The following LRP1B variants were observed in gnomAD, a reference collection of about 807,000 sequenced individuals.
LRP1B encodes the protein low-density lipoprotein receptor-related protein 1B.
A neutral mutation model predicts 556.6 loss-of-function variants in LRP1B; 217 were observed. The ratio of observed to expected loss-of-function variants is 0.39; its 90% confidence interval spans 0.35 to 0.44. The LOEUF (loss-of-function observed/expected upper bound fraction) is 0.44. Ranked by LOEUF, LRP1B falls within the 20% of genes least tolerant of loss-of-function variation. LRP1B has a pLI of 1.00. For synonymous variants in LRP1B, 2,047 were observed against 1,865.8 expected, an observed-to-expected ratio of 1.10 and a Z score of -2.50; for missense variants, 5,053 against 5,620.8, an observed-to-expected ratio of 0.90 and a Z score of 3.23.
chr2:141,109,666 C>CAA (rs34120181), intron 7 of LRP1B, among the ~76,000 whole-genome samples: 10,208 of 134,340 alleles, frequency 0.076, 444 homozygotes, highest in South Asian at 0.12. Context: ...TACAACCTTG[C>CAA]AAAAAAAAAA....
intron 3 of LRP1B, among the ~76,000 whole-genome samples, chr2:141,381,040 T>C (rs1036062084): frequency 3.3e-5 from 5 of 152,014 alleles, no homozygotes; most frequent in Non-Finnish European, 5.9e-5. Context: ...AGAAAACATA[T>C]GAATATGTTT....
intron 2 of LRP1B, among the ~76,000 whole-genome samples, chr2:141,570,136 GAAAACAAAAC>G (rs58717096): frequency 8.0e-5 from 12 of 149,656 alleles, no homozygotes; most frequent in African/African-American, 2.4e-4. Context: ...GCTCCCATGG[GAAAACAAAAC>G]AAAACAAAAC....
At chr2:141,017,743 C>T (rs1697947688) in intron 12 of LRP1B, among the ~76,000 whole-genome samples, 1 of 151,470 alleles carries the variant, frequency 6.6e-6, no homozygotes, top group Non-Finnish European at 1.5e-5. Flanking sequence ...GCCTGTAATC[C>T]CAGCACTTTG....
chr2:141,154,736 T>G (rs1372893556), intron 7 of LRP1B, among the ~76,000 whole-genome samples: 1 of 151,950 alleles, frequency 6.6e-6, no homozygotes, highest in Non-Finnish European at 1.5e-5. Flanking sequence ...TTCTGAATTT[T>G]CACTAATTCT....
intron 18 of LRP1B, among the ~76,000 whole-genome samples, chr2:140,961,627 AT>A (rs932383106): frequency 6.6e-6 from 1 of 151,712 alleles, no homozygotes; most frequent in South Asian, 2.1e-4. Context: ...ACTCCACACA[AT>A]TTTTTTTCCA....
chr2:141,644,225 C>A (rs981086169), intron 2 of LRP1B, among the ~76,000 whole-genome samples: 1 of 152,066 alleles, frequency 6.6e-6, no homozygotes, highest in Admixed American at 6.6e-5. Context: ...TCCCATGTGT[C>A]ATGGGAGGAA....
At chr2:140,719,457 C>A (rs1263247248) in intron 35 of LRP1B, among the ~76,000 whole-genome samples, 1 of 151,828 alleles carries the variant, frequency 6.6e-6, no homozygotes, top group African/African-American at 2.4e-5. Context: ...TTTCTAATAC[C>A]TTTGTCAGTA....
intron 3 of LRP1B, among the ~76,000 whole-genome samples, chr2:141,283,810 G>A (rs1347490304): frequency 6.7e-6 from 1 of 149,244 alleles, no homozygotes; most frequent in East Asian, 2.0e-4. Flanking sequence ...TGGTCAAGGT[G>A]GGAGAGACAC....
At chr2:141,825,456 C>G (rs1696891057) in intron 1 of LRP1B, among the ~76,000 whole-genome samples, 1 of 152,160 alleles carries the variant, frequency 6.6e-6, no homozygotes, top group Non-Finnish European at 1.5e-5. Context: ...AAATAAGTCT[C>G]TAAAATGGAT....
At chr2:140,413,353 T>G (rs1395205949) in intron 66 of LRP1B, among the ~76,000 whole-genome samples, 2 of 152,222 alleles carry the variant, frequency 1.3e-5, no homozygotes, top group East Asian at 3.9e-4. Flanking sequence ...CAATGTTTAA[T>G]AATGTTTGCT....
chr2:140,319,715 A>G (rs1051563543), intron 82 of LRP1B, among the ~76,000 whole-genome samples: 5 of 152,158 alleles, frequency 3.3e-5, no homozygotes, highest in Admixed American at 1.3e-4. Context: ...GTTTACCTCT[A>G]TGACGCAGGC....
chr2:141,131,673 TAAAAA>T (rs147046211), intron 7 of LRP1B, among the ~76,000 whole-genome samples: 25 of 149,674 alleles, frequency 1.7e-4, no homozygotes, highest in Non-Finnish European at 3.4e-4. Context: ...TGGGAATCCA[TAAAAA>T]AAAAGAGACA....
intron 3 of LRP1B, among the ~76,000 whole-genome samples, chr2:141,446,276 C>T (rs972758410): frequency 6.6e-6 from 1 of 152,222 alleles, no homozygotes; most frequent in East Asian, 1.9e-4. Context: ...AATATTCCTC[C>T]ATTCCTTTAT....
chr2:141,543,276 AG>A (rs900407764), intron 2 of LRP1B, among the ~76,000 whole-genome samples: 6 of 152,108 alleles, frequency 3.9e-5, no homozygotes, highest in Admixed American at 1.3e-4. Flanking sequence ...TGGGAGGCCA[AG>A]GCTGGAGATC....
chr2:141,932,016 T>G (rs1209998683), intron 1 of LRP1B, among the ~76,000 whole-genome samples: 2 of 152,000 alleles, frequency 1.3e-5, no homozygotes, highest in Non-Finnish European at 2.9e-5. Flanking sequence ...CTTGGAGAGA[T>G]AACTGGCAGC....
At chr2:140,455,080 A>G (rs1174329625) in intron 62 of LRP1B, among the ~76,000 whole-genome samples, 2 of 152,204 alleles carry the variant, frequency 1.3e-5, no homozygotes, top group African/African-American at 2.4e-5. Context: ...CACCAATAGT[A>G]TTAATAATTC....
intron 15 of LRP1B, among the ~76,000 whole-genome samples, chr2:141,002,598 G>T (rs1368353066): frequency 6.6e-6 from 1 of 152,026 alleles, no homozygotes; most frequent in Non-Finnish European, 1.5e-5. Flanking sequence ...CAAATACTAT[G>T]TAAATAGTTT....
chr2:140,919,140 T>A (rs1405757814), intron 21 of LRP1B, among the ~76,000 whole-genome samples: 1 of 152,112 alleles, frequency 6.6e-6, no homozygotes, highest in Non-Finnish European at 1.5e-5. Context: ...ATGAGAAAGT[T>A]TTCTTCACAT....
intron 37 of LRP1B, among the ~76,000 whole-genome samples, chr2:140,707,868 C>A (rs1686894830): frequency 6.6e-6 from 1 of 151,942 alleles, no homozygotes; most frequent in South Asian, 2.1e-4. Context: ...GTAGCAGAAC[C>A]CTGTGCTAAA....
Sources: allele counts gnomAD v4.1 joint callset (sites outside exome capture counted in the v4.1 genomes callset), GRCh38; gene constraint gnomAD v4.1.1; transcripts MANE v1.5; gene names NCBI Gene and HGNC (gene_info 2026-07-23, HGNC 2026-07-21).